Variants in MICU1 observed in about 807,000 individuals in gnomAD.
MICU1 encodes the protein mitochondrial calcium uptake 1.
A neutral mutation model predicts 56.8 loss-of-function variants in MICU1; 45 were observed. The ratio of observed to expected loss-of-function variants is 0.79; its 90% CI spans 0.62 to 1.02. The LOEUF (loss-of-function observed/expected upper bound fraction) is 1.02. Ranked by LOEUF, MICU1 falls within the 50% of genes least tolerant of loss-of-function variation. MICU1 has a pLI of 0.00. For missense variants in MICU1, 504 were observed against 587.1 expected, an observed-to-expected ratio of 0.86 and a Z score of 1.46; for synonymous variants, 186 against 195.1, an observed-to-expected ratio of 0.95 and a Z score of 0.39.
intron 5 of MICU1, chr10:72,523,976 G>A (rs1867897265): frequency 8.5e-6 from 11 of 1,297,810 alleles, no homozygotes; most frequent in Non-Finnish European, 1.1e-5. Context: ...CCATTTTACT[G>A]AGCAAAGTGC....
At chr10:72,622,145 G>A (rs1260022739) in intron 1 of MICU1, among the ~76,000 whole-genome samples, 1 of 150,966 alleles carries the variant, frequency 6.6e-6, no homozygotes, top group African/African-American at 2.4e-5. Flanking sequence ...GGATGGTCTC[G>A]ATCTCCTGAC....
At chr10:72,526,932 CAAAAAAAAAAAA>C (rs57033966) in intron 5 of MICU1, among the ~76,000 whole-genome samples, 69,721 of 127,860 alleles carry the variant, frequency 0.55, 20,263 homozygotes, top group Non-Finnish European at 0.71. Flanking sequence ...GTAATGGCTT[CAAAAAAAAAAAA>C]AAAAAAAAGA....
chr10:72,589,079 G>A (rs894250848), intron 1 of MICU1, among the ~76,000 whole-genome samples: 1 of 152,170 alleles, frequency 6.6e-6, no homozygotes, highest in Admixed American at 6.5e-5. Context: ...CCTGAGGTCA[G>A]GAGTTTGAGA....
At position 72,443,923 on chromosome 10, in the gene MICU1, G is replaced by A. The variant is rs1231808259; in HGVS notation, c.934-20552C>T. On this transcript the variant is annotated intron_variant, in intron 8 of 11. Transcript: ENST00000361114. ...TGCTGCTATAAAGACACATGCACAC[G>A]TATGTTTATTGCAGCACTATTCACA... Among the ~76,000 whole-genome samples the A allele has an allele frequency of 4.6e-5, 7 of 151,598 alleles. No individual in the cohort carries two copies. The South Asian group carries it at 1.0e-3, about 23-fold the overall frequency.
At chr10:72,616,621 T>C (rs936640486) in intron 1 of MICU1, among the ~76,000 whole-genome samples, 1 of 146,662 alleles carries the variant, frequency 6.8e-6, no homozygotes, top group Non-Finnish European at 1.5e-5. Context: ...CATAATGACC[T>C]ATAAAGATGG....
At chr10:72,457,391 T>G (rs952900886) in intron 8 of MICU1, among the ~76,000 whole-genome samples, 1 of 151,498 alleles carries the variant, frequency 6.6e-6, no homozygotes, top group Non-Finnish European at 1.5e-5. Flanking sequence ...CCCATTTTTT[T>G]TTTTTTTGGT....
intron 9 of MICU1, among the ~76,000 whole-genome samples, chr10:72,414,267 C>A (rs2132118007): frequency 6.6e-6 from 1 of 152,206 alleles, no homozygotes; most frequent in East Asian, 1.9e-4. Flanking sequence ...CAATAAAATA[C>A]TATTTACTCT....
Position 72,601,700 on chromosome 10 carries a change from C to G in MICU1, c.-2+24310G>C, listed in dbSNP as rs1318356702. Among the ~76,000 whole-genome samples, 5 of 151,716 alleles carry G rather than the reference C, an allele frequency of 3.3e-5. No homozygotes were observed. The East Asian group carries it at 9.6e-4, about 29-fold the overall frequency. ...ATGAGGAGCTGAAGAAACAAGAAAG[C>G]GTGTGTATTAATATGCTCAAATTTG... On this transcript the variant is annotated intron_variant, in intron 1 of 11. Transcript: ENST00000361114.
intron 6 of MICU1, among the ~76,000 whole-genome samples, chr10:72,485,677 T>C (rs187108226): frequency 6.6e-6 from 1 of 151,882 alleles, no homozygotes; most frequent in East Asian, 1.9e-4. Flanking sequence ...TATAAAATAA[T>C]AAAGTACGGA....
At chr10:72,603,589 G>A (rs1346896674) in intron 1 of MICU1, among the ~76,000 whole-genome samples, 1 of 151,962 alleles carries the variant, frequency 6.6e-6, no homozygotes, top group Non-Finnish European at 1.5e-5. Context: ...TGGATCACCT[G>A]AGGTCAGGAG....
At chr10:72,448,871 T>C (rs779340481) in intron 8 of MICU1, among the ~76,000 whole-genome samples, 5 of 152,250 alleles carry the variant, frequency 3.3e-5, no homozygotes, top group Non-Finnish European at 7.3e-5. Context: ...TTTACAGTGC[T>C]GTAACCTATT....
chr10:72,472,865 C>A (rs540886267), intron 8 of MICU1, among the ~76,000 whole-genome samples: 1 of 152,088 alleles, frequency 6.6e-6, no homozygotes, highest in Non-Finnish European at 1.5e-5. Context: ...TTTGGGAGGC[C>A]GAGGTGGGCA....
chr10:72,620,636 T>C (rs903946769), intron 1 of MICU1, among the ~76,000 whole-genome samples: 3 of 152,216 alleles, frequency 2.0e-5, no homozygotes, highest in Non-Finnish European at 4.4e-5. Flanking sequence ...AACTTAATAT[T>C]AGTCTAGGAA....
At chr10:72,609,624 C>T (rs1841785161) in intron 1 of MICU1, among the ~76,000 whole-genome samples, 1 of 149,336 alleles carries the variant, frequency 6.7e-6, no homozygotes, top group Admixed American at 6.7e-5. Flanking sequence ...GTCCCAGCTA[C>T]TCGGGAGGCT....
At chr10:72,527,871 G>A (rs1337422456) in intron 5 of MICU1, among the ~76,000 whole-genome samples, 5 of 151,846 alleles carry the variant, frequency 3.3e-5, no homozygotes, top group Non-Finnish European at 5.9e-5. Context: ...TCTATTGCCC[G>A]GCTGGAGTGC....
chr10:72,395,341 C>T (rs112647867), intron 10 of MICU1, among the ~76,000 whole-genome samples: 43 of 152,220 alleles, frequency 2.8e-4, no homozygotes, highest in Admixed American at 3.9e-4. Flanking sequence ...GGAACAGCTC[C>T]GGTCTGCAGC....
intron 1 of MICU1, among the ~76,000 whole-genome samples, chr10:72,568,741 C>G (rs1276277438): frequency 7.8e-6 from 1 of 128,606 alleles, no homozygotes; most frequent in Non-Finnish European, 1.6e-5. Context: ...CTGGGAAGTT[C>G]TTATTCTTTT....
At chr10:72,402,585 AAAAC>A (rs780641543) in intron 10 of MICU1, among the ~76,000 whole-genome samples, 175 of 152,270 alleles carry the variant, frequency 1.1e-3, no homozygotes, top group African/African-American at 3.9e-3. Context: ...AAAAAACAAA[AAAAC>A]AAACAAAAAA....
At chr10:72,482,827 A>G (rs1411391598) in intron 6 of MICU1, among the ~76,000 whole-genome samples, 1 of 85,858 alleles carries the variant, frequency 1.2e-5, no homozygotes, top group African/African-American at 4.5e-5. Context: ...AATGCACTAT[A>G]TATATATACA....
Sources: allele counts gnomAD v4.1 joint callset (sites outside exome capture counted in the v4.1 genomes callset), GRCh38; gene constraint gnomAD v4.1.1; transcripts MANE v1.5; gene names NCBI Gene and HGNC (gene_info 2026-07-23, HGNC 2026-07-21).